The following NRG1 variants were observed in gnomAD, a reference collection of about 807,000 sequenced individuals.
The protein encoded by NRG1 is neuregulin 1, also known as pro-neuregulin-1, membrane-bound isoform.
A neutral mutation model predicts 63.8 loss-of-function variants in NRG1; 18 were observed. That is an observed-to-expected ratio of 0.28 (90% CI 0.19 to 0.42). NRG1 has a LOEUF of 0.42. Among genes scored for constraint, NRG1 ranks in the 10% least tolerant of loss-of-function variants. The pLI, the probability that NRG1 is intolerant of heterozygous loss-of-function variation, is 1.00. For synonymous variants in NRG1, 302 were observed against 301.3 expected, an observed-to-expected ratio of 1.00 and a Z score of -0.02; for missense variants, 762 against 814.7, an observed-to-expected ratio of 0.94 and a Z score of 0.79.
chr8:31,649,578 C>G (rs547878316), intron 1 of NRG1, among the ~76,000 whole-genome samples: 22 of 152,130 alleles, frequency 1.4e-4, no homozygotes, highest in African/African-American at 5.3e-4. Context: ...GATCCTGAAT[C>G]TGAAACCATG....
chr8:31,916,664 C>T (rs550150156), intron 1 of NRG1, among the ~76,000 whole-genome samples: 4 of 152,024 alleles, frequency 2.6e-5, no homozygotes, highest in Non-Finnish European at 4.4e-5. Flanking sequence ...GCAATAAACA[C>T]ATGTGTGCAT....
intron 1 of NRG1, among the ~76,000 whole-genome samples, chr8:31,844,889 A>T (rs978744158): frequency 6.6e-6 from 1 of 151,952 alleles, no homozygotes; most frequent in Non-Finnish European, 1.5e-5. Flanking sequence ...TGGGAGGATC[A>T]TGAGGTCAGA....
intron 1 of NRG1, among the ~76,000 whole-genome samples, chr8:32,091,687 T>C (rs1031239043): frequency 2.0e-5 from 3 of 152,072 alleles, no homozygotes; most frequent in Non-Finnish European, 4.4e-5. Flanking sequence ...TTGGAGAGGA[T>C]TGACCAACTG....
intron 1 of NRG1, among the ~76,000 whole-genome samples, chr8:32,182,155 A>G (rs926576669): frequency 1.3e-5 from 2 of 152,238 alleles, no homozygotes; most frequent in Non-Finnish European, 2.9e-5. Flanking sequence ...CTGATGAATA[A>G]TAACATGGCA....
chr8:32,533,927 A>T (rs143339560), intron 1 of NRG1, among the ~76,000 whole-genome samples: 1 of 152,118 alleles, frequency 6.6e-6, no homozygotes, highest in Admixed American at 6.5e-5. Context: ...GAAAGGTTAG[A>T]CTAAAGAGTA....
chr8:32,254,624 T>C (rs1849478216), intron 1 of NRG1, among the ~76,000 whole-genome samples: 1 of 152,174 alleles, frequency 6.6e-6, no homozygotes, highest in Non-Finnish European at 1.5e-5. Context: ...ATAAGTGAGA[T>C]GTGGTGCTGA....
chr8:31,927,763 A>G (rs1834505804), intron 1 of NRG1, among the ~76,000 whole-genome samples: 1 of 150,980 alleles, frequency 6.6e-6, no homozygotes, highest in Non-Finnish European at 1.5e-5. Flanking sequence ...TTTTTTTTAA[A>G]GATCTGAGAG....
At chr8:32,601,040 A>T (rs1844262203) in intron 2 of NRG1, among the ~76,000 whole-genome samples, 1 of 152,116 alleles carries the variant, frequency 6.6e-6, no homozygotes, top group African/African-American at 2.4e-5. Flanking sequence ...TTCAAGGAAG[A>T]TTTGGCTCAT....
At chr8:31,712,310 G>T (rs1811856000) in intron 1 of NRG1, among the ~76,000 whole-genome samples, 1 of 123,268 alleles carries the variant, frequency 8.1e-6, no homozygotes, top group African/African-American at 3.1e-5. Context: ...CTGACACCCA[G>T]GCTGGAGTAC....
intron 1 of NRG1, among the ~76,000 whole-genome samples, chr8:32,076,543 G>A (rs1477456836): frequency 1.3e-5 from 2 of 151,986 alleles, no homozygotes; most frequent in Non-Finnish European, 2.9e-5. Flanking sequence ...ACGGACTGTG[G>A]AACAGCACAC....
chr8:31,671,193 T>A (rs1807105833), intron 1 of NRG1, among the ~76,000 whole-genome samples: 1 of 152,076 alleles, frequency 6.6e-6, no homozygotes, highest in Middle Eastern at 3.4e-3. Flanking sequence ...ATAACTTGAG[T>A]TTTGAGAGGT....
chr8:32,123,180 T>C (rs1833688875), intron 1 of NRG1, among the ~76,000 whole-genome samples: 1 of 151,930 alleles, frequency 6.6e-6, no homozygotes, highest in Non-Finnish European at 1.5e-5. Flanking sequence ...TGTGTCCTTG[T>C]ATAGTTATTG....
chr8:31,915,648 A>T (rs1487510726), intron 1 of NRG1, among the ~76,000 whole-genome samples: 1 of 152,140 alleles, frequency 6.6e-6, no homozygotes, highest in African/African-American at 2.4e-5. Flanking sequence ...CACAGAATTC[A>T]TCTCTATAAA....
intron 5 of NRG1, among the ~76,000 whole-genome samples, chr8:32,659,570 A>G (rs1802369294): frequency 6.6e-6 from 1 of 152,176 alleles, no homozygotes; most frequent in Non-Finnish European, 1.5e-5. Context: ...GTGAAACCTT[A>G]TGATTTATAA....
chr8:32,399,990 G>T (rs1812956777), intron 1 of NRG1, among the ~76,000 whole-genome samples: 1 of 152,078 alleles, frequency 6.6e-6, no homozygotes, highest in Non-Finnish European at 1.5e-5. Flanking sequence ...TCACCTCTCT[G>T]CACCTCTTCA....
chr8:32,769,645 TA>T (rs2129065994), downstream of NRG1, among the ~76,000 whole-genome samples: 1 of 152,314 alleles, frequency 6.6e-6, no homozygotes, highest in East Asian at 1.9e-4. Context: ...ACTGATTTAC[TA>T]AAATAAATGT....
intron 5 of NRG1, among the ~76,000 whole-genome samples, chr8:32,717,929 T>G (rs568830893): frequency 6.6e-6 from 1 of 152,320 alleles, no homozygotes; most frequent in Non-Finnish European, 1.5e-5. Flanking sequence ...AAGTTTAGAT[T>G]GTTTAAAACA....
At chr8:32,660,679 T>C (rs1267280859) in intron 5 of NRG1, among the ~76,000 whole-genome samples, 2 of 152,228 alleles carry the variant, frequency 1.3e-5, no homozygotes, top group Non-Finnish European at 2.9e-5. Flanking sequence ...TGTGACAGCA[T>C]GCACACTATG....
At chr8:32,706,397 G>C (rs1816417664) in intron 5 of NRG1, among the ~76,000 whole-genome samples, 1 of 152,180 alleles carries the variant, frequency 6.6e-6, no homozygotes, top group Admixed American at 6.5e-5. Flanking sequence ...AATGCATACA[G>C]TTTTATCAAT....
Sources: allele counts gnomAD v4.1 joint callset (sites outside exome capture counted in the v4.1 genomes callset), GRCh38; gene constraint gnomAD v4.1.1; transcripts MANE v1.5; gene names NCBI Gene and HGNC (gene_info 2026-07-23, HGNC 2026-07-21).